COG5: variants seen among roughly 807,000 people sequenced by gnomAD.
COG5 encodes component of oligomeric golgi complex 5.
A neutral mutation model predicts 110.4 loss-of-function variants in COG5; 86 were observed. The ratio of observed to expected loss-of-function variants is 0.78; its 90% CI spans 0.65 to 0.93. The LOEUF (loss-of-function observed/expected upper bound fraction) is 0.93. Among genes scored for constraint, COG5 ranks in the 40% least tolerant of loss-of-function variants. The pLI is 0.00. For missense variants in COG5, 1,077 were observed against 987.0 expected (o/e 1.09, Z -1.22); for synonymous variants, 360 against 334.6 (o/e 1.08, Z -0.83).
intron 1 of COG5, among the ~76,000 whole-genome samples, chr7:107,562,520 T>C (rs531695965): frequency 2.6e-5 from 4 of 152,334 alleles, no homozygotes; most frequent in African/African-American, 9.6e-5. Flanking sequence ...CCTACCTTTA[T>C]AGTCTACAAG....
chr7:107,298,153 C>A lies in COG5; in HGVS notation c.1302G>T (p.Lys434Asn), dbSNP rs200021706. 1.3e-4 allele frequency: 206 copies of A among 1,569,188 alleles called. No homozygotes were observed. Among genetic ancestry groups the A allele is most frequent in the Middle Eastern group, 1.0e-3 (6 of 5,892 alleles). Residue 434 changes from lysine (K) to asparagine (N), a missense_variant, in exon 12 of 22, where the codon AAG becomes AAT. Coordinates refer to ENST00000297135, the MANE Select transcript of COG5 (RefSeq NM_006348.5). ...DDAQDIFIPK[K>N]PDYDPEKALK... ...TTAAACAAACATACTCATAATCTGG[C>A]TTTTTTGGTATGAATATATCTTGTG...
At chr7:107,362,888 AC>A (rs1813246939) in intron 8 of COG5, among the ~76,000 whole-genome samples, 1 of 152,132 alleles carries the variant, frequency 6.6e-6, no homozygotes, top group Non-Finnish European at 1.5e-5. Flanking sequence ...TATCAAATTG[AC>A]AATATAACCA....
intron 14 of COG5, among the ~76,000 whole-genome samples, chr7:107,278,444 C>T (rs141583270): frequency 4.6e-5 from 7 of 152,126 alleles, no homozygotes; most frequent in South Asian, 2.1e-4. Flanking sequence ...CAACAGGCCC[C>T]GGTGTGTGAT....
intron 5 of COG5, among the ~76,000 whole-genome samples, chr7:107,534,093 A>G (rs1801404905): frequency 6.6e-6 from 1 of 151,624 alleles, no homozygotes; most frequent in African/African-American, 2.4e-5. Context: ...TAGAAATAAA[A>G]TCCTTTACAG....
In COG5 at chr7:107,521,959, T is replaced by C. The variant is rs1800349949; in HGVS notation, c.538+5278A>G. On this transcript the variant is annotated intron_variant, in intron 6 of 21. Coordinates refer to ENST00000297135, the MANE Select transcript of COG5 (RefSeq NM_006348.5). ...GCAGCCATAAAAAAAAATGAAATCA[T>C]GTCCTTGGCAGGGACATGGATGAAG... Among the ~76,000 whole-genome samples, 4 of 152,126 alleles carry C rather than the reference T, an allele frequency of 2.6e-5. 1 individual carries two copies. In the South Asian group the frequency reaches 6.2e-4, roughly 24 times the overall value.
intron 10 of COG5, among the ~76,000 whole-genome samples, chr7:107,355,731 A>T (rs1353956057): frequency 6.6e-6 from 1 of 152,218 alleles, no homozygotes; most frequent in Non-Finnish European, 1.5e-5. Context: ...AAAAACTATG[A>T]AGACAGTAAA....
intron 6 of COG5, among the ~76,000 whole-genome samples, chr7:107,438,392 T>G (rs1194558540): frequency 1.3e-5 from 2 of 152,228 alleles, no homozygotes; most frequent in Non-Finnish European, 2.9e-5. Context: ...AGCCTAAAAC[T>G]GCTTTTCTTT....
intron 6 of COG5, among the ~76,000 whole-genome samples, chr7:107,476,095 A>C: frequency 6.7e-6 from 1 of 150,300 alleles, no homozygotes; most frequent in East Asian, 2.0e-4. Flanking sequence ...AAAGGGAAGG[A>C]AGAATACTAA....
At chr7:107,507,124 TG>T (rs1799074893) in intron 6 of COG5, among the ~76,000 whole-genome samples, 1 of 152,168 alleles carries the variant, frequency 6.6e-6, no homozygotes, top group African/African-American at 2.4e-5. Flanking sequence ...TGTAGGGGTG[TG>T]TATCCTGGAG....
intron 14 of COG5, among the ~76,000 whole-genome samples, chr7:107,278,206 G>C (rs1231539447): frequency 6.6e-6 from 1 of 152,056 alleles, no homozygotes; most frequent in Non-Finnish European, 1.5e-5. Flanking sequence ...CACTGCTTGA[G>C]CATTCTATTA....
chr7:107,284,961 TTC>T (rs1282602281), intron 12 of COG5, among the ~76,000 whole-genome samples: 1 of 152,176 alleles, frequency 6.6e-6, no homozygotes, highest in Non-Finnish European at 1.5e-5. Context: ...AAACTTGGCT[TTC>T]TCTTTTTCTC....
intron 18 of COG5, among the ~76,000 whole-genome samples, chr7:107,231,618 TTTC>T (rs2116412086): frequency 6.6e-6 from 1 of 152,290 alleles, no homozygotes; most frequent in South Asian, 2.1e-4. Context: ...GTACAGCACC[TTTC>T]TTCAAGAAGC....
At chr7:107,229,654 T>C (rs1015408576) in intron 19 of COG5, among the ~76,000 whole-genome samples, 13 of 152,182 alleles carry the variant, frequency 8.5e-5, no homozygotes, top group African/African-American at 2.9e-4. Context: ...CAAGGACTTT[T>C]CTCTCTATTA....
intron 11 of COG5, among the ~76,000 whole-genome samples, chr7:107,308,342 T>C (rs1807910391): frequency 6.6e-6 from 1 of 152,210 alleles, no homozygotes; most frequent in Admixed American, 6.5e-5. Context: ...TTGGGATTTT[T>C]AAACACTGTC....
chr7:107,511,627 G>A lies in COG5; in HGVS notation c.538+15610C>T, dbSNP rs528902366. ...TTTTAGACCAATATCCTTGATGAAC[G>A]CTGATGCAAAAATCCTCAATACAAT... is the stretch of plus-strand genomic sequence containing the variant. On this transcript the variant is annotated intron_variant, in intron 6 of 21. Coordinates refer to ENST00000297135, the MANE Select transcript of COG5 (RefSeq NM_006348.5). Among the ~76,000 whole-genome samples, 90 of 152,184 alleles carry A rather than the reference G, an allele frequency of 5.9e-4. No individual in the cohort carries two copies. The South Asian group carries it at 0.01, about 18-fold the overall frequency.
chr7:107,323,874 G>A (rs908233334), intron 11 of COG5, among the ~76,000 whole-genome samples: 12 of 152,074 alleles, frequency 7.9e-5, no homozygotes, highest in Non-Finnish European at 1.2e-4. Context: ...ACAAACACAC[G>A]CGTAAGATAT....
At chr7:107,362,470 AAT>A (rs138976504) in intron 8 of COG5, 50 bp from the exon 9 acceptor site, 1,294 of 978,300 alleles carry the variant, frequency 1.3e-3, no homozygotes, top group Non-Finnish European at 1.7e-3. Flanking sequence ...TCCAAAGGCA[AAT>A]ATATATATAT....
In COG5 at chr7:107,265,694, T is replaced by C. The variant is rs74301066; in HGVS notation, c.1576-7311A>G. Among the ~76,000 whole-genome samples the C allele has an allele frequency of 5.7e-3, 871 of 152,322 alleles. 49 individuals carry two copies. The East Asian group carries it at 0.11, about 19-fold the overall frequency. On this transcript the variant is annotated intron_variant, in intron 14 of 21. Coordinates refer to ENST00000297135, the MANE Select transcript of COG5 (RefSeq NM_006348.5). ...TAACTTGTCAATTATCCTATAAAAA[T>C]GTAAAATTATATGTTTAAATATGTA...
intron 7 of COG5, among the ~76,000 whole-genome samples, chr7:107,374,420 T>C (rs1477124073): frequency 1.3e-5 from 2 of 152,122 alleles, no homozygotes; most frequent in East Asian, 3.8e-4. Context: ...CTATATTTAT[T>C]GCCTTTACTA....
Sources: gnomAD v4.1 joint callset for allele counts (sites outside exome capture counted in the v4.1 genomes callset) on GRCh38, gnomAD v4.1.1 for gene constraint, MANE v1.5 for transcripts, NCBI Gene and HGNC (gene_info 2026-07-23, HGNC 2026-07-21) for gene names.